ZMYM1: variants seen among roughly 807,000 people sequenced by gnomAD.
ZMYM1 encodes the protein zinc finger MYM-type containing 1, also known as zinc finger MYM-type protein 1.
A neutral mutation model predicts 60.0 loss-of-function variants in ZMYM1; 39 were observed. The ratio of observed to expected loss-of-function variants is 0.65; its 90% CI spans 0.50 to 0.85. ZMYM1 has a LOEUF of 0.85. Among genes scored for constraint, ZMYM1 ranks in the 40% least tolerant of loss-of-function variants. The probability of loss-of-function intolerance (pLI) is 0.00; values close to 1 mark genes in which losing one functional copy is unlikely to be tolerated. For missense variants in ZMYM1, 1,171 were observed against 1,309.5 expected (o/e 0.89, Z 1.63); for synonymous variants, 413 against 454.0 (o/e 0.91, Z 1.15).
intron 3 of ZMYM1, among the ~76,000 whole-genome samples, chr1:35,096,311 A>G (rs1387451772): frequency 7.6e-6 from 1 of 132,270 alleles, no homozygotes; most frequent in East Asian, 2.2e-4. Context: ...GACTCTGTCT[A>G]AAAAAAAAAA....
At chr1:35,092,951 A>G (rs774424883) in intron 1 of ZMYM1, among the ~76,000 whole-genome samples, 2 of 152,126 alleles carry the variant, frequency 1.3e-5, no homozygotes, top group Non-Finnish European at 2.9e-5. Flanking sequence ...TAAAGCCAGG[A>G]GTTCAAGATC....
chr1:35,069,794 C>G (rs1192813508), intron 1 of ZMYM1, among the ~76,000 whole-genome samples: 1 of 152,158 alleles, frequency 6.6e-6, no homozygotes, highest in Non-Finnish European at 1.5e-5. Context: ...TAGCTTCATT[C>G]TTGTGCATAT....
chr1:35,116,721 G>T (rs368618152), downstream of ZMYM1, among the ~76,000 whole-genome samples: 2 of 151,836 alleles, frequency 1.3e-5, no homozygotes, highest in South Asian at 4.2e-4. Context: ...GCCTCCCAAA[G>T]TGCTGGGATT....
chr1:35,089,619 G>A (rs1642872876), intron 1 of ZMYM1, among the ~76,000 whole-genome samples: 1 of 63,236 alleles, frequency 1.6e-5, no homozygotes, highest in Non-Finnish European at 3.8e-5. Context: ...TCCTGTAAGA[G>A]GTTTTTTGTT....
downstream of ZMYM1, among the ~76,000 whole-genome samples, chr1:35,118,013 GCGGATCAC>G (rs1332147393): frequency 6.6e-6 from 1 of 151,806 alleles, no homozygotes; most frequent in Non-Finnish European, 1.5e-5. Context: ...GCTAAGGCAG[GCGGATCAC>G]AAGGTCAAGA....
At chr1:35,117,536 GGT>G (rs1644261732), downstream of ZMYM1, among the ~76,000 whole-genome samples, 1 of 151,548 alleles carries the variant, frequency 6.6e-6, no homozygotes, top group Non-Finnish European at 1.5e-5. Flanking sequence ...TGGCCAGGCT[GGT>G]CTCGAACTCC....
intron 6 of ZMYM1, among the ~76,000 whole-genome samples, chr1:35,108,723 T>TA (rs1429855814): frequency 3.4e-4 from 50 of 147,218 alleles, no homozygotes; most frequent in Non-Finnish European, 6.4e-4. Context: ...TTTTTTTTTT[T>TA]AGACTGAGTC....
At chr1:35,087,553 A>C (rs1240321650) in intron 1 of ZMYM1, among the ~76,000 whole-genome samples, 1 of 151,770 alleles carries the variant, frequency 6.6e-6, no homozygotes, top group Non-Finnish European at 1.5e-5. Flanking sequence ...CAGCCTCCCA[A>C]ATAACTGGGA....
downstream of ZMYM1, among the ~76,000 whole-genome samples, chr1:35,117,210 C>G (rs1359385692): frequency 6.6e-6 from 1 of 150,878 alleles, no homozygotes; most frequent in African/African-American, 2.4e-5. Context: ...ATTTTGATAA[C>G]TTGTACTTTT....
intron 1 of ZMYM1, among the ~76,000 whole-genome samples, chr1:35,085,060 T>A (rs1442225394): frequency 6.6e-6 from 1 of 152,058 alleles, no homozygotes; most frequent in Non-Finnish European, 1.5e-5. Context: ...GTTTGGTTTT[T>A]TTTTGGAGAC....
Position 35,104,396 on chromosome 1 carries a change from AAAG to A in ZMYM1, c.524_526del (p.Arg175del). ...TCTTGTCTTTCATCATATGAAGAAA[AAAG>A]AAAACCATTTGTTACCATATGTACT... On this transcript the variant is annotated inframe_deletion, in exon 5 of 10. Transcript: ENST00000359858. The A allele has an allele frequency of 6.2e-7, 1 of 1,613,298 alleles. No homozygotes were observed. The highest frequency in any genetic ancestry group is 8.5e-7 in the Non-Finnish European group (1 of 1,179,738).
At chr1:35,076,373 G>C (rs1005769153), upstream of ZMYM1, among the ~76,000 whole-genome samples, 1 of 152,166 alleles carries the variant, frequency 6.6e-6, no homozygotes, top group Non-Finnish European at 1.5e-5. Flanking sequence ...TGTAATCCCA[G>C]CACTTTGGGA....
rs745650559 is a variant in ZMYM1, at chr1:35,114,307, T to C, written c.2477T>C (p.Ile826Thr). Reference sequence around the variant, plus strand: ...TCTGTGATTGACAGTCTTCCAGAGATTATTGAAACATTGGAAGTTATAGCA... The same window carrying C: ...TCTGTGATTGACAGTCTTCCAGAGACTATTGAAACATTGGAAGTTATAGCA... ...LLSVIDSLPEIIETLEVIASH... is the reference protein window; with the variant it reads ...LLSVIDSLPETIETLEVIASH... The change falls in exon 10 of 10, where the codon ATT (isoleucine) becomes ACT (threonine). Residue 826 changes from isoleucine to threonine, a missense_variant. Ile to Thr is a moderately conservative substitution (Grantham distance 89). Transcript: ENST00000359858. The C allele has an allele frequency of 6.2e-7, 1 of 1,613,750 alleles. No individual in the cohort carries two copies. Among genetic ancestry groups the C allele is most frequent in the South Asian group, 1.1e-5 (1 of 91,010 alleles).
In ZMYM1 at chr1:35,113,042, C is replaced by T. The variant is rs1261184433; in HGVS notation, c.1212C>T (p.Ser404=). The T allele has an allele frequency of 1.9e-6, 3 of 1,613,596 alleles. No individual in the cohort carries two copies. Among genetic ancestry groups the T allele is most frequent in the South Asian group, 1.1e-5 (1 of 90,908 alleles). ...AVASSSTEQP[S]VSPSSSVFSQ... is the part of the protein sequence containing the mutation. Reference sequence around the variant, plus strand: ...CTAGTAGTAGTACGGAACAGCCAAGCGTTTCACCATCTTCATCAGTATTCA... The same window carrying T: ...CTAGTAGTAGTACGGAACAGCCAAGTGTTTCACCATCTTCATCAGTATTCA... Residue 404 remains serine (S), a synonymous_variant, in exon 10 of 10, where the codon AGC becomes AGT. Coordinates refer to ENST00000359858, the MANE Select transcript of ZMYM1 (RefSeq NM_024772.5).
chr1:35,112,577 TTATAA>T (rs1429691378), intron 9 of ZMYM1, among the ~76,000 whole-genome samples: 8 of 26,810 alleles, frequency 3.0e-4, no homozygotes, highest in Middle Eastern at 0.019. Flanking sequence ...TATAAATATA[TTATAA>T]TGTATATTTA....
chr1:35,106,178 T>C (rs924825581), intron 6 of ZMYM1, among the ~76,000 whole-genome samples: 43 of 152,282 alleles, frequency 2.8e-4, no homozygotes, highest in African/African-American at 1.0e-3. Context: ...TTGTCCCTAT[T>C]TCTGATAGAC....
In ZMYM1 at chr1:35,094,126, T is replaced by G. The variant is rs142809593; in HGVS notation, c.96+43T>G. On this transcript the variant is annotated intron_variant, in intron 2 of 9. Coordinates refer to ENST00000359858, the MANE Select transcript of ZMYM1 (RefSeq NM_024772.5). ...TTTCCATTATTTCTAGAGCAGCATT[T>G]AACTATAAATTTTAGTTACAAAGGT... 3.5e-4 allele frequency: 544 copies of G among 1,535,540 alleles called. 1 individual carries two copies. The African/African-American group carries it at 4.5e-3, about 13-fold the overall frequency.
chr1:35,062,789 A>G (rs964868199), intron 1 of ZMYM1, among the ~76,000 whole-genome samples: 1 of 152,382 alleles, frequency 6.6e-6, no homozygotes, highest in Non-Finnish European at 1.5e-5. Flanking sequence ...GGTTTAGACA[A>G]TAGGCAGAAC....
chr1:35,088,811 T>TG (rs1402254096), intron 1 of ZMYM1, among the ~76,000 whole-genome samples: 3 of 147,862 alleles, frequency 2.0e-5, no homozygotes, highest in Admixed American at 6.8e-5. Context: ...TTTCCTTTTT[T>TG]TTTTTTTTTT....
Sources: allele counts gnomAD v4.1 joint callset (sites outside exome capture counted in the v4.1 genomes callset), GRCh38; gene constraint gnomAD v4.1.1; transcripts MANE v1.5; gene names NCBI Gene and HGNC (gene_info 2026-07-23, HGNC 2026-07-21).